Variants in NALCN observed in about 807,000 individuals in gnomAD.
NALCN encodes the protein sodium leak channel NALCN.
A neutral mutation model predicts 225.3 loss-of-function variants in NALCN; 111 were observed. The observed-to-expected ratio is 0.49, with a 90% CI of 0.42 to 0.58. The LOEUF (loss-of-function observed/expected upper bound fraction) is 0.58. Ranked by LOEUF, NALCN falls within the 20% of genes least tolerant of loss-of-function variation. NALCN has a pLI of 0.00. For synonymous variants in NALCN, 764 were observed against 769.0 expected, an observed-to-expected ratio of 0.99 and a Z score of 0.11; for missense variants, 1,378 against 2,202.4, an observed-to-expected ratio of 0.63 and a Z score of 7.49.
chr13:101,149,150 GGGCGTGGTGGCA>G (rs2037507057), intron 15 of NALCN, among the ~76,000 whole-genome samples: 1 of 152,116 alleles, frequency 6.6e-6, no homozygotes, highest in South Asian at 2.1e-4. Flanking sequence ...AAAATTAGCT[GGGCGTGGTGGCA>G]GGCGCCTGTA....
At chr13:101,058,897 A>G (rs1384170602) in intron 42 of NALCN, 2 of 152,286 alleles carry the variant, frequency 1.3e-5, no homozygotes, top group Non-Finnish European at 2.9e-5. Context: ...AAGTCCCTGC[A>G]GTCGGTGGCA....
intron 40 of NALCN, among the ~76,000 whole-genome samples, chr13:101,065,031 G>C (rs1044764228): frequency 6.6e-6 from 1 of 152,180 alleles, no homozygotes; most frequent in Non-Finnish European, 1.5e-5. Flanking sequence ...AGCTTTGCCA[G>C]AGCCCTGTAA....
Position 101,111,164 on chromosome 13 carries a change from G to A in NALCN, c.2255C>T (p.Ser752Leu). 1 of 1,608,778 alleles carries A rather than the reference G, an allele frequency of 6.2e-7. No individual in the cohort carries two copies. The highest frequency in any genetic ancestry group is 1.3e-5 in the African/African-American group (1 of 74,914). Residue 752 changes from serine to leucine, a missense_variant, in exon 19 of 44, where the codon TCA becomes TTA. Ser to Leu is a moderately radical substitution (Grantham distance 145). Coordinates refer to ENST00000251127, the MANE Select transcript of NALCN (RefSeq NM_052867.4). The stretch of plus-strand genomic sequence containing the variant: ...GATATGATGCTGCACGCTGAGGATT[G>A]ACCTCTCCTTTGCGGGCTGCCCCTC... ...SFEGQPAKER[S>L]ILSVQHHIRQ...
chr13:101,286,231 AG>A lies in NALCN; in HGVS notation c.1048-2213del, dbSNP rs2043333660. Among the ~76,000 whole-genome samples the A allele has an allele frequency of 2.6e-5, 4 of 152,318 alleles. No homozygotes were observed. The South Asian group carries it at 8.3e-4, about 32-fold the overall frequency. ...TGCGGGGAGCGTGGCAGGGACTGCC[AG>A]TCTTTCCTTTGTATCTCTTTTCCCT... On this transcript the variant is annotated intron_variant, in intron 9 of 43. Transcript: ENST00000251127.
chr13:101,270,418 T>C (rs1325064992), intron 10 of NALCN, among the ~76,000 whole-genome samples: 1 of 152,202 alleles, frequency 6.6e-6, no homozygotes, highest in African/African-American at 2.4e-5. Context: ...CGGTGGGCAG[T>C]TGAACACAAA....
intron 35 of NALCN, 87 bp downstream of exon 35, chr13:101,075,786 C>A (rs1450987364): frequency 3.7e-6 from 4 of 1,094,984 alleles, no homozygotes; most frequent in Non-Finnish European, 5.2e-6. Context: ...CCCTAAATAA[C>A]CGAGGTAAGG....
chr13:101,187,565 A>G (rs1353175110), intron 14 of NALCN, among the ~76,000 whole-genome samples: 1 of 152,206 alleles, frequency 6.6e-6, no homozygotes, highest in African/African-American at 2.4e-5. Flanking sequence ...ATTTGTTTTT[A>G]GGAAAATAGG....
intron 6 of NALCN, among the ~76,000 whole-genome samples, chr13:101,360,229 T>C (rs1421086988): frequency 5.8e-5 from 8 of 137,884 alleles, no homozygotes; most frequent in Admixed American, 3.1e-4. Flanking sequence ...TCTCTCTCTC[T>C]CCTTCCTTCC....
In NALCN at chr13:101,104,345, T is replaced by G; in HGVS notation, c.2839A>C (p.Thr947Pro). The G allele has an allele frequency of 2.5e-6, 4 of 1,613,820 alleles. No individual in the cohort carries two copies. The highest frequency in any genetic ancestry group is 3.4e-6 in the Non-Finnish European group (4 of 1,179,812). The change falls in exon 25 of 44, where the codon ACT (threonine) becomes CCT (proline). Residue 947 changes from threonine to proline, a missense_variant. This residue lies in a region of NALCN where 292 missense variants were observed against 409.5 expected (regional missense o/e 0.71). Transcript: ENST00000251127. This position sits in a 1 kb window ranked among gnomAD's most constrained non-coding sequence, Gnocchi z 4.2. Reference sequence around the variant, plus strand: ...CCACCGAAGTCCCTGATGACAGCAGTTGGAGTGAAAAATAAGCCATCTGCC... The same window carrying G: ...CCACCGAAGTCCCTGATGACAGCAGGTGGAGTGAAAAATAAGCCATCTGCC... Reference protein sequence around the residue: ...IMADGLFFTPTAVIRDFGGVM... With the variant: ...IMADGLFFTPPAVIRDFGGVM...
intron 20 of NALCN, among the ~76,000 whole-genome samples, chr13:101,108,092 T>C (rs913134534): frequency 4.0e-5 from 6 of 148,564 alleles, no homozygotes; most frequent in African/African-American, 1.2e-4. Context: ...CTATATGAAA[T>C]GTATATATTT....
At chr13:101,185,704 G>GC (rs2039420222) in intron 14 of NALCN, among the ~76,000 whole-genome samples, 1 of 152,172 alleles carries the variant, frequency 6.6e-6, no homozygotes, top group Admixed American at 6.5e-5. Context: ...GAAAATTGGT[G>GC]CCCCCAGGGG....
intron 7 of NALCN, among the ~76,000 whole-genome samples, chr13:101,315,959 T>C (rs1538240): frequency 0.47 from 71,536 of 151,810 alleles, 17,191 homozygotes; most frequent in East Asian, 0.68. Context: ...AAATGACCAG[T>C]GATGGGACAA....
intron 13 of NALCN, among the ~76,000 whole-genome samples, chr13:101,217,847 C>G (rs909801507): frequency 6.6e-6 from 1 of 152,140 alleles, no homozygotes; most frequent in Non-Finnish European, 1.5e-5. Flanking sequence ...TGGGAAGGAT[C>G]TGGGGTCCAG....
intron 14 of NALCN, among the ~76,000 whole-genome samples, chr13:101,185,514 A>G (rs2039412276): frequency 1.3e-5 from 2 of 152,242 alleles, no homozygotes. Flanking sequence ...CCTATCCCCA[A>G]ATCATTGGCA....
At chr13:101,199,625 A>C (rs1258795523) in intron 13 of NALCN, among the ~76,000 whole-genome samples, 1 of 125,334 alleles carries the variant, frequency 8.0e-6, no homozygotes, top group Non-Finnish European at 1.6e-5. Context: ...CAGGAAGGGG[A>C]ACATCACACA....
intron 13 of NALCN, among the ~76,000 whole-genome samples, chr13:101,222,395 G>A (rs57894515): frequency 0.04 from 6,089 of 151,946 alleles, 401 homozygotes; most frequent in African/African-American, 0.14. Flanking sequence ...ACCTAATCCC[G>A]CCTCTCTTTT....
intron 11 of NALCN, among the ~76,000 whole-genome samples, chr13:101,242,854 C>A (rs1012138725): frequency 9.4e-6 from 1 of 106,078 alleles, no homozygotes; most frequent in Non-Finnish European, 2.1e-5. Flanking sequence ...CAGTTCTATT[C>A]TCTCAGTAGT....
intron 10 of NALCN, among the ~76,000 whole-genome samples, chr13:101,267,690 C>T (rs535158389): frequency 2.0e-5 from 3 of 152,256 alleles, no homozygotes; most frequent in South Asian, 4.1e-4. Flanking sequence ...CAATTAATGG[C>T]GAGCCACACC....
chr13:101,083,329 G>A, intron 31 of NALCN, 131 bp from the exon 32 acceptor site: 1 of 772,592 alleles, frequency 1.3e-6, no homozygotes, highest in Non-Finnish European at 2.1e-6. Context: ...TCTATTGTGA[G>A]GTGTTTTTGC....
Sources: allele counts gnomAD v4.1 joint callset (sites outside exome capture counted in the v4.1 genomes callset), GRCh38; gene constraint gnomAD v4.1.1; regional missense constraint gnomAD v4.1.1; non-coding constraint Gnocchi (gnomAD v3.1); transcripts MANE v1.5; gene names NCBI Gene and HGNC (gene_info 2026-07-23, HGNC 2026-07-21).